The following PARK7 variants were observed in gnomAD, a reference collection of about 807,000 sequenced individuals.
PARK7 encodes the protein Parkinsonism associated deglycase, also known as Parkinson disease protein 7.
In PARK7, 14 loss-of-function variants were observed where a neutral mutation model predicts 20.5. The observed-to-expected ratio is 0.68, with a 90% CI of 0.45 to 1.07. PARK7 has a LOEUF of 1.07. Ranked by LOEUF, PARK7 falls within the 50% of genes least tolerant of loss-of-function variation. PARK7 has a pLI of 0.00. For synonymous variants in PARK7, 98 were observed against 84.3 expected (o/e 1.16, Z -0.89); for missense variants, 234 against 238.1 (o/e 0.98, Z 0.11).
chr1:7,980,829 A>G (rs1400815917), intron 6 of PARK7, among the ~76,000 whole-genome samples: 2 of 152,162 alleles, frequency 1.3e-5, no homozygotes, highest in African/African-American at 4.8e-5. Flanking sequence ...GTTTCTTCTC[A>G]GATAAGCAAT....
intron 4 of PARK7, among the ~76,000 whole-genome samples, chr1:7,970,098 G>A (rs1640432409): frequency 6.6e-6 from 1 of 152,100 alleles, no homozygotes. Flanking sequence ...GGGAGGCTAT[G>A]GTGGGAGGAT....
chr1:7,970,837 GTGAT>G, intron 4 of PARK7, 53 bp from the exon 5 acceptor site: 1 of 1,549,630 alleles, frequency 6.5e-7, no homozygotes, highest in South Asian at 1.1e-5. Flanking sequence ...TTCCTAGTGA[GTGAT>G]TGGTTAGTGG....
rs779917966 is a variant in PARK7, at chr1:7,965,436, C to T, written c.192+11C>T. On this transcript the variant is annotated intron_variant, in intron 3 of 6. Coordinates refer to ENST00000338639, the MANE Select transcript of PARK7 (RefSeq NM_007262.5). ...GATGCAAAAAAAGAGGTTTGTAATC[C>T]ATACATGGAGTTATTCCTTCATATG... is the stretch of plus-strand genomic sequence containing the variant. 5.6e-6 allele frequency: 9 copies of T among 1,608,492 alleles called. No individual in the cohort carries two copies. The highest frequency in any genetic ancestry group is 7.7e-6 in the Non-Finnish European group (9 of 1,175,032).
At chr1:7,963,452 C>T (rs982501268) in intron 2 of PARK7, among the ~76,000 whole-genome samples, 1 of 149,826 alleles carries the variant, frequency 6.7e-6, no homozygotes, top group African/African-American at 2.5e-5. Context: ...GGTGTGATCT[C>T]TGCTCGCTGC....
chr1:7,981,159 G>A (rs1640701705), intron 6 of PARK7, among the ~76,000 whole-genome samples: 1 of 152,170 alleles, frequency 6.6e-6, no homozygotes, highest in South Asian at 2.1e-4. Flanking sequence ...GCCTGGCATC[G>A]TGGGGTGGCC....
chr1:7,969,833 C>A (rs184097424), intron 4 of PARK7, among the ~76,000 whole-genome samples: 134 of 152,276 alleles, frequency 8.8e-4, no homozygotes, highest in Non-Finnish European at 1.6e-3. Flanking sequence ...CCACCTCGGC[C>A]TCCCAAAGTG....
At chr1:7,964,084 A>T (rs1640273067) in intron 2 of PARK7, among the ~76,000 whole-genome samples, 4 of 152,142 alleles carry the variant, frequency 2.6e-5, no homozygotes, top group Admixed American at 2.0e-4. Context: ...AAGTGCTGTG[A>T]TTACAGATGT....
At chr1:7,972,766 T>C (rs1348078966) in intron 5 of PARK7, among the ~76,000 whole-genome samples, 7 of 151,078 alleles carry the variant, frequency 4.6e-5, no homozygotes, top group Non-Finnish European at 8.9e-5. Flanking sequence ...TAGCTGGGCA[T>C]GGTGGTGCAC....
At chr1:7,974,432 A>G (rs1343404411) in intron 5 of PARK7, among the ~76,000 whole-genome samples, 1 of 152,036 alleles carries the variant, frequency 6.6e-6, no homozygotes, top group African/African-American at 2.4e-5. Context: ...GATCGAGACC[A>G]TCCTGGCTAA....
intron 1 of PARK7, among the ~76,000 whole-genome samples, chr1:7,962,315 A>G (rs1324704424): frequency 6.6e-6 from 1 of 152,224 alleles, no homozygotes; most frequent in Non-Finnish European, 1.5e-5. Context: ...AATCCCCTCC[A>G]AAAAATTACA....
chr1:7,982,448 G>C (rs979430573), intron 6 of PARK7, among the ~76,000 whole-genome samples: 61 of 152,200 alleles, frequency 4.0e-4, no homozygotes, highest in Non-Finnish European at 1.3e-4. Flanking sequence ...GTGCCTTCCT[G>C]GTGCTGATGG....
intron 5 of PARK7, among the ~76,000 whole-genome samples, chr1:7,972,731 C>T (rs916937283): frequency 5.9e-5 from 9 of 151,986 alleles, no homozygotes; most frequent in Non-Finnish European, 1.0e-4. Flanking sequence ...TGGTGAAATC[C>T]CGTTTCTACT....
At position 7,965,374 on chromosome 1, in the gene PARK7, C is replaced by G; in HGVS notation, c.141C>G (p.Ser47Arg). 1 of 1,614,128 alleles carries G rather than the reference C, an allele frequency of 6.2e-7. No individual in the cohort carries two copies. The highest frequency in any genetic ancestry group is 8.5e-7 in the Non-Finnish European group (1 of 1,180,038). Residue 47 changes from serine (S) to arginine (R), a missense_variant, in exon 3 of 7, where the codon AGC becomes AGG. By Grantham distance (110) the Ser-to-Arg change is moderately radical (BLOSUM62 -1). Coordinates refer to ENST00000338639, the MANE Select transcript of PARK7 (RefSeq NM_007262.5). Reference protein sequence around the residue: ...GLAGKDPVQCSRDVVICPDAS... With the variant: ...GLAGKDPVQCRRDVVICPDAS... ...CTGGAAAAGACCCAGTACAGTGTAG[C>G]CGTGATGTGGTCATTTGTCCTGATG... is the stretch of plus-strand genomic sequence containing the variant.
At chr1:7,971,134 A>G (rs1199437953) in intron 5 of PARK7, 171 bp downstream of exon 5, 20 of 728,314 alleles carry the variant, frequency 2.7e-5, no homozygotes, top group East Asian at 1.1e-4. Context: ...GATGAGGACA[A>G]TTGTTCTGTT....
At chr1:7,970,784 C>A in intron 4 of PARK7, 110 bp from the exon 5 acceptor site, 2 of 971,354 alleles carry the variant, frequency 2.1e-6, no homozygotes, top group Non-Finnish European at 3.2e-6. Context: ...GAAAATAGGT[C>A]AGAGAGCTTG....
At position 7,972,999 on chromosome 1, in the gene PARK7, G is replaced by A. The variant is rs182084637; in HGVS notation, c.322+2036G>A. On this transcript the variant is annotated intron_variant, in intron 5 of 6. Coordinates refer to ENST00000338639, the MANE Select transcript of PARK7 (RefSeq NM_007262.5). ...CGGGCGGCGGAGGTTGCAGTGAGCCGCGATTACGCCACTGCACTCCAGCCT... is the reference window on the plus strand; with the variant it reads ...CGGGCGGCGGAGGTTGCAGTGAGCCACGATTACGCCACTGCACTCCAGCCT... Among the ~76,000 whole-genome samples, 118 of 152,056 alleles carry A rather than the reference G, an allele frequency of 7.8e-4. 2 individuals carry two copies. The Middle Eastern group carries it at 0.01, about 13-fold the overall frequency.
intron 6 of PARK7, among the ~76,000 whole-genome samples, chr1:7,979,428 C>T (rs1285931479): frequency 6.6e-6 from 1 of 152,162 alleles, no homozygotes; most frequent in Non-Finnish European, 1.5e-5. Context: ...AGGGTTCTCT[C>T]TTGCTGTTGT....
rs375023875 is a variant in PARK7, at chr1:7,984,920, G to T, written c.436G>T (p.Val146Leu). The change falls in exon 7 of 7, where the codon GTG (valine) becomes TTG (leucine). Residue 146 changes from valine to leucine, a missense_variant. Physicochemically the swap from Val to Leu is conservative, Grantham distance 32. Coordinates refer to ENST00000338639, the MANE Select transcript of PARK7 (RefSeq NM_007262.5). This position sits in a 1 kb window ranked among gnomAD's most constrained non-coding sequence, Gnocchi z 4.3. ...GGHYTYSENRVEKDGLILTSR... is the reference protein window; with the variant it reads ...GGHYTYSENRLEKDGLILTSR... The stretch of plus-strand genomic sequence containing the variant: ...TCATTACACCTACTCTGAGAATCGT[G>T]TGGAAAAAGACGGCCTGATTCTTAC... 6.2e-7 allele frequency: 1 copy of T among 1,614,092 alleles called. No homozygotes were observed. The highest frequency in any genetic ancestry group is 2.2e-5 in the East Asian group (1 of 44,902).
rs192568259 is a variant in PARK7 at position 7,968,330 on chromosome 1, T to G, written c.193-1015T>G. Among the ~76,000 whole-genome samples the G allele has an allele frequency of 2.5e-3, 362 of 147,456 alleles. 2 individuals are homozygous for G. Among genetic ancestry groups the G allele is most frequent in the African/African-American group, 8.6e-3 (343 of 39,926 alleles). On this transcript the variant is annotated intron_variant, in intron 3 of 6. Coordinates refer to ENST00000338639, the MANE Select transcript of PARK7 (RefSeq NM_007262.5). Reference sequence around the variant, plus strand: ...AAAAAAAAAAAAAAGAAAAGAAAAATAAATAAATAAATAAAAAGTCCTAAA... The same window carrying G: ...AAAAAAAAAAAAAAGAAAAGAAAAAGAAATAAATAAATAAAAAGTCCTAAA...
Sources: allele counts gnomAD v4.1 joint callset (sites outside exome capture counted in the v4.1 genomes callset), GRCh38; gene constraint gnomAD v4.1.1; non-coding constraint Gnocchi (gnomAD v3.1); transcripts MANE v1.5; gene names NCBI Gene and HGNC (gene_info 2026-07-23, HGNC 2026-07-21).